The following SCAI variants were observed in gnomAD, a reference collection of about 807,000 sequenced individuals.
SCAI encodes the protein suppressor of cancer cell invasion.
SCAI carries 24 observed loss-of-function variants against 92.2 expected under a neutral mutation model. The observed-to-expected ratio is 0.26, with a 90% CI of 0.19 to 0.37. SCAI has a LOEUF of 0.37. SCAI is among the 10% of genes least tolerant of loss of function. The pLI is 1.00. For synonymous variants in SCAI, 261 were observed against 258.6 expected (o/e 1.01, Z -0.09); for missense variants, 450 against 736.2 (o/e 0.61, Z 4.50).
chr9:125,011,053 C>G (rs947048796), intron 9 of SCAI, among the ~76,000 whole-genome samples: 12 of 152,080 alleles, frequency 7.9e-5, no homozygotes, highest in Admixed American at 5.2e-4. Context: ...CATCAAAGAC[C>G]AAAAGTAGAT....
At chr9:125,120,669 G>C (rs1263377273) in intron 2 of SCAI, among the ~76,000 whole-genome samples, 1 of 151,970 alleles carries the variant, frequency 6.6e-6, no homozygotes, top group Non-Finnish European at 1.5e-5. Flanking sequence ...CTCTAGCCTG[G>C]ACAACAGAAC....
intron 3 of SCAI, among the ~76,000 whole-genome samples, chr9:125,032,438 C>T (rs1190042199): frequency 4.6e-5 from 7 of 151,246 alleles, no homozygotes; most frequent in Admixed American, 6.6e-5. Flanking sequence ...GTGATCCACT[C>T]GCCTCGGCCT....
intron 7 of SCAI, among the ~76,000 whole-genome samples, chr9:125,019,506 A>T (rs932108887): frequency 9.3e-5 from 14 of 151,044 alleles, no homozygotes; most frequent in Non-Finnish European, 4.4e-5. Flanking sequence ...TTTTAACAAT[A>T]AAAAAAAATG....
At chr9:124,987,819 CG>C (rs1302687300) in intron 14 of SCAI, among the ~76,000 whole-genome samples, 1 of 151,568 alleles carries the variant, frequency 6.6e-6, no homozygotes, top group Non-Finnish European at 1.5e-5. Context: ...AAAAATTAGC[CG>C]GGTGTGGTGG....
In SCAI at chr9:124,955,667, A is replaced by C. The variant is rs77696841; in HGVS notation, c.1675-2714T>G. 7.3e-3 allele frequency among the ~76,000 whole-genome samples: 1,116 copies of C among 152,156 alleles called. 2 individuals carry two copies. The highest frequency in any genetic ancestry group is 0.011 in the Non-Finnish European group (767 of 67,990). On this transcript the variant is annotated intron_variant, in intron 17 of 17. Transcript: ENST00000336505. ...ATAAATACATACATAAGTGAAAAAA[A>C]AAGAAACAAACGGTAGTGAAAAAAA... is the stretch of plus-strand genomic sequence containing the variant.
intron 2 of SCAI, among the ~76,000 whole-genome samples, chr9:125,074,207 C>T (rs1834039309): frequency 6.8e-6 from 1 of 146,246 alleles, no homozygotes; most frequent in South Asian, 2.2e-4. Context: ...TGCCGCGAGC[C>T]AAGATTGCAC....
At position 124,999,961 on chromosome 9, in the gene SCAI, T is replaced by C. The variant is rs1248779333; in HGVS notation, c.1174A>G (p.Asn392Asp). ...GPYDFGGVLTNSNRDIINGDA... is the reference protein window; with the variant it reads ...GPYDFGGVLTDSNRDIINGDA... Reference sequence around the variant, plus strand: ...CCATTAATAATATCCCGGTTACTATTAGTAAGTACACCTCCAAAATCATAA... The same window carrying C: ...CCATTAATAATATCCCGGTTACTATCAGTAAGTACACCTCCAAAATCATAA... Residue 392 changes from asparagine to aspartate, a missense_variant, in exon 13 of 18, where the codon AAT (asparagine) becomes GAT (aspartate). Physicochemically the swap from Asn to Asp is conservative, Grantham distance 23 (BLOSUM62 1). Transcript: ENST00000336505. The C allele has an allele frequency of 1.0e-5, 16 of 1,588,544 alleles. No homozygotes were observed. The highest frequency in any genetic ancestry group is 1.3e-5 in the Non-Finnish European group (15 of 1,166,106).
At chr9:124,987,892 G>C (rs772328975) in intron 14 of SCAI, among the ~76,000 whole-genome samples, 1 of 152,084 alleles carries the variant, frequency 6.6e-6, no homozygotes, top group Non-Finnish European at 1.5e-5. Flanking sequence ...GAACCCGGGA[G>C]GCAGAGGTTG....
chr9:125,006,475 C>A (rs1330069654), intron 9 of SCAI, among the ~76,000 whole-genome samples: 1 of 151,742 alleles, frequency 6.6e-6, no homozygotes, highest in Non-Finnish European at 1.5e-5. Flanking sequence ...AGAAAATAAC[C>A]TAATACATTC....
chr9:125,064,222 G>A (rs954779748), intron 2 of SCAI, among the ~76,000 whole-genome samples: 4 of 151,978 alleles, frequency 2.6e-5, no homozygotes, highest in Non-Finnish European at 4.4e-5. Flanking sequence ...AAAGACTAAC[G>A]ATAGTAGGAT....
At chr9:124,996,579 G>A (rs1050874612) in intron 13 of SCAI, among the ~76,000 whole-genome samples, 40 of 150,324 alleles carry the variant, frequency 2.7e-4, no homozygotes, top group Admixed American at 2.6e-3. Context: ...CTGAGATTAC[G>A]GGAATGAGCC....
intron 2 of SCAI, among the ~76,000 whole-genome samples, chr9:125,130,085 G>A (rs933489973): frequency 6.6e-6 from 1 of 151,804 alleles, no homozygotes; most frequent in African/African-American, 2.4e-5. Context: ...TTTTAGTAGA[G>A]ACGGGGTTTT....
chr9:125,054,608 G>T (rs1413259131), intron 3 of SCAI, among the ~76,000 whole-genome samples: 1 of 150,896 alleles, frequency 6.6e-6, no homozygotes, highest in African/African-American at 2.4e-5. Flanking sequence ...GAAAATAAAA[G>T]ATTTAAACCC....
chr9:124,961,794 T>C (rs34553861), intron 17 of SCAI, among the ~76,000 whole-genome samples: 6 of 151,896 alleles, frequency 4.0e-5, no homozygotes, highest in Non-Finnish European at 2.9e-5. Context: ...TAAAAATCCA[T>C]GTATAACTTT....
At chr9:125,055,412 C>T (rs1468597783) in intron 3 of SCAI, among the ~76,000 whole-genome samples, 2 of 152,082 alleles carry the variant, frequency 1.3e-5, no homozygotes, top group Non-Finnish European at 2.9e-5. Flanking sequence ...CCATCACCAC[C>T]CCAATCTGGT....
chr9:125,096,260 T>C (rs1834549760), intron 2 of SCAI, among the ~76,000 whole-genome samples: 1 of 152,108 alleles, frequency 6.6e-6, no homozygotes, highest in African/African-American at 2.4e-5. Context: ...GAACTCCCCC[T>C]TGCAGAACCA....
At chr9:124,973,533 A>G (rs772376854) in intron 15 of SCAI, among the ~76,000 whole-genome samples, 3 of 151,630 alleles carry the variant, frequency 2.0e-5, no homozygotes, top group Non-Finnish European at 2.9e-5. Context: ...CCCTGTCTCT[A>G]GTGAAAATAC....
Position 125,028,447 on chromosome 9 carries a change from G to A in SCAI, c.358C>T (p.Arg120Cys). ...QVLDNRYGLK[R>C]WQIGEIASKI... is the part of the protein sequence containing the mutation. ...GAAGCAATTTCTCCTATTTGCCAGC[G>A]CTTCAAGCCATACCGATTATCCAAG... Residue 120 changes from arginine (R) to cysteine (C), a missense_variant, in exon 5 of 18, where the codon CGC becomes TGC. Arg to Cys is a radical substitution (Grantham distance 180, BLOSUM62 -3). Coordinates refer to ENST00000336505, the MANE Select transcript of SCAI (RefSeq NM_001144877.3). 6.2e-7 allele frequency: 1 copy of A among 1,600,006 alleles called. No individual in the cohort carries two copies.
intron 3 of SCAI, among the ~76,000 whole-genome samples, chr9:125,039,295 G>A (rs1833266984): frequency 6.6e-6 from 1 of 150,512 alleles, no homozygotes; most frequent in African/African-American, 2.4e-5. Context: ...GCTGAGGCCG[G>A]AGAATCGCCT....
Sources: allele counts gnomAD v4.1 joint callset (sites outside exome capture counted in the v4.1 genomes callset), GRCh38; gene constraint gnomAD v4.1.1; transcripts MANE v1.5; gene names NCBI Gene and HGNC (gene_info 2026-07-23, HGNC 2026-07-21).